CAP2: variants seen among roughly 807,000 people sequenced by gnomAD.
CAP2 encodes the protein cyclase associated actin cytoskeleton regulatory protein 2.
A neutral mutation model predicts 57.7 loss-of-function variants in CAP2; 24 were observed. The ratio of observed to expected loss-of-function variants is 0.42; its 90% confidence interval spans 0.30 to 0.58. CAP2 has a LOEUF of 0.58. Among genes scored for constraint, CAP2 ranks in the 20% least tolerant of loss-of-function variants. The probability of loss-of-function intolerance (pLI) is 0.22; values close to 1 mark genes in which losing one functional copy is unlikely to be tolerated. For missense variants in CAP2, 501 were observed against 590.3 expected, an observed-to-expected ratio of 0.85 and a Z score of 1.57; for synonymous variants, 194 against 207.2, an observed-to-expected ratio of 0.94 and a Z score of 0.55.
chr6:17,541,477 G>A (rs1762899247), intron 9 of CAP2, among the ~76,000 whole-genome samples: 1 of 152,020 alleles, frequency 6.6e-6, no homozygotes, highest in Admixed American at 6.6e-5. Context: ...CTACTTGAGA[G>A]GCTGAGACAG....
intron 11 of CAP2, 72 bp from the exon 12 acceptor site, chr6:17,551,392 G>T: frequency 8.1e-7 from 1 of 1,237,228 alleles, no homozygotes; most frequent in Non-Finnish European, 1.1e-6. Context: ...GAGGAATTGA[G>T]ATTGTATTTA....
chr6:17,463,178 G>T, intron 4 of CAP2, 105 bp downstream of exon 4: 2 of 744,916 alleles, frequency 2.7e-6, no homozygotes, highest in Non-Finnish European at 2.4e-6. Context: ...TCCTAAAAAT[G>T]AGACTTACAG....
chr6:17,459,660 A>T (rs1201143812), intron 3 of CAP2, among the ~76,000 whole-genome samples: 2 of 152,240 alleles, frequency 1.3e-5, no homozygotes, highest in African/African-American at 2.4e-5. Context: ...ATAAAACAAG[A>T]ATGAAATGAA....
chr6:17,543,077 C>T lies in CAP2; in HGVS notation c.1143C>T (p.Leu381=), dbSNP rs765479560. ...NSIIIDNCKK[L]GLVFDNVVGI... is the part of the protein sequence containing the mutation. ...TCCCCACAGACAACTGTAAAAAACT[C>T]GGCCTGGTGTTTGACAATGTGGTGG... Residue 381 remains leucine (L), a synonymous_variant, in exon 11 of 13, where the codon CTC becomes CTT. Coordinates refer to ENST00000229922, the MANE Select transcript of CAP2 (RefSeq NM_006366.3). 69 of 1,613,842 alleles carry T rather than the reference C, an allele frequency of 4.3e-5. No individual in the cohort carries two copies. In the South Asian group the frequency reaches 6.3e-4, roughly 15 times the overall value.
intron 3 of CAP2, among the ~76,000 whole-genome samples, chr6:17,430,570 G>A (rs191313740): frequency 4.2e-4 from 59 of 140,686 alleles, no homozygotes; most frequent in African/African-American, 1.5e-3. Context: ...ACAGAGTCTT[G>A]CTCTGTTGCC....
chr6:17,439,770 C>T (rs574159173), intron 3 of CAP2, among the ~76,000 whole-genome samples: 9 of 151,396 alleles, frequency 5.9e-5, no homozygotes, highest in East Asian at 3.9e-4. Flanking sequence ...TGGTGGAGCT[C>T]GGGCGGTAAT....
intron 3 of CAP2, among the ~76,000 whole-genome samples, chr6:17,439,139 G>A (rs1005435681): frequency 2.0e-5 from 3 of 150,762 alleles, no homozygotes; most frequent in Non-Finnish European, 2.9e-5. Context: ...AGAAAAAAGA[G>A]AGAGAGAAAA....
At chr6:17,449,491 C>T (rs537904020) in intron 3 of CAP2, among the ~76,000 whole-genome samples, 7 of 152,174 alleles carry the variant, frequency 4.6e-5, no homozygotes, top group African/African-American at 1.7e-4. Flanking sequence ...ACTGCAACCT[C>T]CGCCTCTTGG....
chr6:17,440,612 GTGGTGTGT>G lies in CAP2; in HGVS notation c.222+13923_222+13930del, dbSNP rs1003481130. Among the ~76,000 whole-genome samples, 17 of 72,834 alleles carry G rather than the reference GTGGTGTGT, an allele frequency of 2.3e-4. 1 individual carries two copies. Among genetic ancestry groups the G allele is most frequent in the East Asian group, 1.4e-3 (1 of 736 alleles). 47.8% of individuals were successfully genotyped at this position (72,834 alleles called of 152,430 possible). A position where few individuals can be genotyped will look rare whatever the true frequency, so the allele number is the denominator to read the frequency against. ...GTTTTGGGCTGAAAACAAACTGTGT[GTGGTGTGT>G]GTGTGTGTGTGTGTGTGTGTGTGTG... On this transcript the variant is annotated intron_variant, in intron 3 of 12. Coordinates refer to ENST00000229922, the MANE Select transcript of CAP2 (RefSeq NM_006366.3).
intron 11 of CAP2, among the ~76,000 whole-genome samples, chr6:17,543,725 C>G (rs1353485183): frequency 6.6e-6 from 1 of 152,032 alleles, no homozygotes; most frequent in African/African-American, 2.4e-5. Context: ...TCATCACCTC[C>G]TTGGTAGACC....
chr6:17,428,668 A>G (rs1442044064), intron 3 of CAP2, among the ~76,000 whole-genome samples: 3 of 151,754 alleles, frequency 2.0e-5, no homozygotes, highest in Non-Finnish European at 2.9e-5. Context: ...AGATATACCT[A>G]ATGCTAGATG....
intron 3 of CAP2, among the ~76,000 whole-genome samples, chr6:17,439,430 C>G (rs966845395): frequency 1.3e-5 from 2 of 151,412 alleles, no homozygotes; most frequent in Non-Finnish European, 2.9e-5. Flanking sequence ...GTTCCAACTG[C>G]TTTAGTCACT....
In CAP2 at chr6:17,530,892, C is replaced by T. The variant is rs531607363; in HGVS notation, c.637-8377C>T. 123 of 1,227,500 alleles carry T rather than the reference C, an allele frequency of 1.0e-4. No individual in the cohort carries two copies. The Middle Eastern group carries it at 2.7e-3, about 27-fold the overall frequency. The allele number at this position is 1,227,500 out of a possible 1,614,324, so 76.0% of individuals were successfully genotyped here. On this transcript the variant is annotated intron_variant, in intron 7 of 12. Transcript: ENST00000229922. ...CTTAGAAAAATAATCATGGTAGACACCTTAGTTCATTCTTCTAATAAGCCT... is the reference window on the plus strand; with the variant it reads ...CTTAGAAAAATAATCATGGTAGACATCTTAGTTCATTCTTCTAATAAGCCT...
intron 9 of CAP2, 105 bp from the exon 10 acceptor site, chr6:17,542,732 A>G (rs1300359752): frequency 7.9e-6 from 7 of 882,422 alleles, no homozygotes; most frequent in Non-Finnish European, 1.3e-5. Context: ...CCAAAAGAAT[A>G]TATTGCAAAG....
At chr6:17,477,595 A>G (rs1761183211) in intron 4 of CAP2, among the ~76,000 whole-genome samples, 1 of 152,198 alleles carries the variant, frequency 6.6e-6, no homozygotes, top group Non-Finnish European at 1.5e-5. Flanking sequence ...ACAGTAAGAG[A>G]AACTCAAGGA....
chr6:17,473,919 T>C (rs183471451), intron 4 of CAP2, among the ~76,000 whole-genome samples: 1 of 152,326 alleles, frequency 6.6e-6, no homozygotes, highest in Admixed American at 6.5e-5. Context: ...CTTCCATAAG[T>C]ACTAAAACTA....
In CAP2 at chr6:17,543,083, G is replaced by C; in HGVS notation, c.1149G>C (p.Leu383=). ...CAGACAACTGTAAAAAACTCGGCCT[G>C]GTGTTTGACAATGTGGTGGGCATTG... ...IIIDNCKKLG[L]VFDNVVGIVE... The change falls in exon 11 of 13, where the codon CTG becomes CTC. Residue 383 remains leucine (L), a synonymous_variant. Coordinates refer to ENST00000229922, the MANE Select transcript of CAP2 (RefSeq NM_006366.3). 6.2e-7 allele frequency: 1 copy of C among 1,614,076 alleles called. No individual in the cohort carries two copies. Among genetic ancestry groups the C allele is most frequent in the Middle Eastern group, 1.6e-4 (1 of 6,062 alleles).
At chr6:17,438,231 AGGTGG>A (rs2113557857) in intron 3 of CAP2, among the ~76,000 whole-genome samples, 1 of 147,126 alleles carries the variant, frequency 6.8e-6, no homozygotes, top group South Asian at 2.2e-4. Flanking sequence ...CTGGGCGTGG[AGGTGG>A]GTGCCTGTAA....
chr6:17,435,965 G>A (rs556796765), intron 3 of CAP2, among the ~76,000 whole-genome samples: 1 of 152,152 alleles, frequency 6.6e-6, no homozygotes, highest in Non-Finnish European at 1.5e-5. Flanking sequence ...GGATTCCAGG[G>A]TGTATCAGTC....
Sources: allele counts gnomAD v4.1 joint callset (sites outside exome capture counted in the v4.1 genomes callset), GRCh38; gene constraint gnomAD v4.1.1; transcripts MANE v1.5; gene names NCBI Gene and HGNC (gene_info 2026-07-23, HGNC 2026-07-21).